Variants in PEPD observed in about 807,000 individuals in gnomAD.
The protein encoded by PEPD is xaa-Pro dipeptidase.
PEPD carries 53 observed loss-of-function variants against 60.7 expected under a neutral mutation model. The ratio of observed to expected loss-of-function variants is 0.87; its 90% CI spans 0.70 to 1.10. The LOEUF (loss-of-function observed/expected upper bound fraction) is 1.10. PEPD is among the 50% of genes least tolerant of loss of function. The pLI, the probability that PEPD is intolerant of heterozygous loss-of-function variation, is 0.00. For missense variants in PEPD, 711 were observed against 711.9 expected (o/e 1.00, Z 0.01); for synonymous variants, 267 against 284.1 (o/e 0.94, Z 0.60).
At chr19:33,393,504 CT>C (rs1968283949) in intron 12 of PEPD, among the ~76,000 whole-genome samples, 12 of 148,504 alleles carry the variant, frequency 8.1e-5, no homozygotes, top group Admixed American at 3.3e-4. Flanking sequence ...TGAGCCTCAG[CT>C]GCCGCTGGTC....
chr19:33,441,790 G>T (rs1364824135), intron 9 of PEPD, among the ~76,000 whole-genome samples: 1 of 152,212 alleles, frequency 6.6e-6, no homozygotes, highest in Non-Finnish European at 1.5e-5. Flanking sequence ...CACTAGAGCT[G>T]GCCTGACTCT....
intron 11 of PEPD, among the ~76,000 whole-genome samples, chr19:33,409,487 T>C (rs2145360810): frequency 6.6e-6 from 1 of 152,280 alleles, no homozygotes; most frequent in East Asian, 1.9e-4. Context: ...CTGGGCAACA[T>C]GGTGAGACCC....
intron 11 of PEPD, among the ~76,000 whole-genome samples, chr19:33,410,048 C>T (rs1968727847): frequency 6.6e-6 from 1 of 152,238 alleles, no homozygotes; most frequent in East Asian, 1.9e-4. Flanking sequence ...GGGACTCGCC[C>T]ACCATTTGTG....
At chr19:33,484,444 C>T (rs1970362736) in intron 6 of PEPD, among the ~76,000 whole-genome samples, 1 of 152,210 alleles carries the variant, frequency 6.6e-6, no homozygotes, top group Non-Finnish European at 1.5e-5. Flanking sequence ...CAGATGCACA[C>T]ACGCAGACAC....
chr19:33,515,284 T>TGCC (rs1316959559), intron 1 of PEPD, among the ~76,000 whole-genome samples: 1 of 151,344 alleles, frequency 6.6e-6, no homozygotes, highest in African/African-American at 2.4e-5. Context: ...GGGTGGAGGG[T>TGCC]CAGAAGCAGC....
intron 6 of PEPD, among the ~76,000 whole-genome samples, chr19:33,483,153 C>T (rs1249119723): frequency 6.6e-6 from 1 of 152,120 alleles, no homozygotes; most frequent in East Asian, 1.9e-4. Flanking sequence ...AATATCATAA[C>T]CTGTGAGAAA....
At chr19:33,493,586 G>A (rs1018753243) in intron 4 of PEPD, among the ~76,000 whole-genome samples, 16 of 151,954 alleles carry the variant, frequency 1.1e-4, no homozygotes, top group South Asian at 2.1e-4. Context: ...CCACCGCACC[G>A]CCCTGCTTCC....
intron 11 of PEPD, among the ~76,000 whole-genome samples, chr19:33,407,019 C>G (rs996172753): frequency 2.0e-5 from 3 of 152,202 alleles, no homozygotes; most frequent in Non-Finnish European, 4.4e-5. Flanking sequence ...CTGCCCTCTT[C>G]TGGCCAGTTC....
intron 9 of PEPD, among the ~76,000 whole-genome samples, chr19:33,425,927 A>C (rs1190059388): frequency 6.6e-6 from 1 of 152,244 alleles, no homozygotes; most frequent in Non-Finnish European, 1.5e-5. Context: ...CTCCTGCCTC[A>C]GCCTCCTGAG....
At chr19:33,472,688 T>G (rs966441844) in intron 7 of PEPD, among the ~76,000 whole-genome samples, 2 of 152,132 alleles carry the variant, frequency 1.3e-5, no homozygotes, top group Admixed American at 6.5e-5. Flanking sequence ...CTGATTAAAA[T>G]AGTAGTGAGA....
In PEPD at chr19:33,481,918, G is replaced by T. The variant is rs1189808006; in HGVS notation, c.504-3828C>A. On this transcript the variant is annotated intron_variant, in intron 6 of 14. Coordinates refer to ENST00000244137, the MANE Select transcript of PEPD (RefSeq NM_000285.4). ...CACGTGTAATCCCAGCTACTTAGGA[G>T]GCTGAGGCAGGAGAATCACATGGAC... 2.0e-5 allele frequency among the ~76,000 whole-genome samples: 3 copies of T among 152,168 alleles called. No homozygotes were observed. In the East Asian group the frequency reaches 5.8e-4, roughly 29 times the overall value.
chr19:33,469,056 G>C (rs1295698797), intron 7 of PEPD, among the ~76,000 whole-genome samples: 2 of 152,256 alleles, frequency 1.3e-5, no homozygotes. Flanking sequence ...CGCTGTCAGG[G>C]AGCAGGTCTC....
At chr19:33,390,273 C>T (rs957602927) in intron 13 of PEPD, among the ~76,000 whole-genome samples, 9 of 152,244 alleles carry the variant, frequency 5.9e-5, no homozygotes, top group South Asian at 4.1e-4. Context: ...TAATGAATAA[C>T]GAACCTCAGC....
chr19:33,460,176 G>GA (rs1969900327), intron 9 of PEPD, among the ~76,000 whole-genome samples: 1 of 152,188 alleles, frequency 6.6e-6, no homozygotes, highest in African/African-American at 2.4e-5. Context: ...GAAGATGGCA[G>GA]AAAAATCACT....
chr19:33,426,240 C>G (rs746692914), intron 9 of PEPD, among the ~76,000 whole-genome samples: 2 of 152,176 alleles, frequency 1.3e-5, no homozygotes, highest in African/African-American at 2.4e-5. Context: ...AGGACAGAAT[C>G]CCCAAGTCAC....
At chr19:33,436,288 G>A (rs1202298920) in intron 9 of PEPD, among the ~76,000 whole-genome samples, 1 of 152,052 alleles carries the variant, frequency 6.6e-6, no homozygotes, top group African/African-American at 2.4e-5. Flanking sequence ...AGAGAAAGAA[G>A]CATGGGAGGA....
chr19:33,481,426 C>A (rs1181586098), intron 6 of PEPD, among the ~76,000 whole-genome samples: 2 of 151,830 alleles, frequency 1.3e-5, no homozygotes, highest in Non-Finnish European at 2.9e-5. Flanking sequence ...ATTAGCCGGG[C>A]GTGGTGGCTT....
At chr19:33,412,793 C>A (rs1968806767) in intron 10 of PEPD, among the ~76,000 whole-genome samples, 1 of 152,234 alleles carries the variant, frequency 6.6e-6, no homozygotes, top group African/African-American at 2.4e-5. Context: ...TCCATCCTGG[C>A]CGGGCAGGGG....
In PEPD at chr19:33,496,967, G is replaced by C. The variant is rs759419233; in HGVS notation, c.394-3630C>G. ...TTGCCAGCGCTGGGAAAGCCTGCAA[G>C]GCTCCAGAGAGCTGGCTCTGCCCTG... On this transcript the variant is annotated intron_variant, in intron 4 of 14. Transcript: ENST00000244137. 8.5e-4 allele frequency among the ~76,000 whole-genome samples: 130 copies of C among 152,402 alleles called. 1 individual carries two copies. The highest frequency in any genetic ancestry group is 1.6e-3 in the Non-Finnish European group (111 of 68,044).
Sources: gnomAD v4.1 joint callset for allele counts (sites outside exome capture counted in the v4.1 genomes callset) on GRCh38, gnomAD v4.1.1 for gene constraint, MANE v1.5 for transcripts, NCBI Gene and HGNC (gene_info 2026-07-23, HGNC 2026-07-21) for gene names.